TRIM13: variants seen among roughly 807,000 people sequenced by gnomAD.
TRIM13 encodes E3 ubiquitin-protein ligase TRIM13.
Under a neutral mutation model 27.1 loss-of-function variants are expected in TRIM13, and 15 were observed. That is an observed-to-expected ratio of 0.55 (90% CI 0.37 to 0.85). The LOEUF is 0.85. TRIM13 is among the 40% of genes least tolerant of loss of function. The pLI is 0.00. For missense variants in TRIM13, 402 were observed against 472.2 expected, an observed-to-expected ratio of 0.85 and a Z score of 1.38; for synonymous variants, 193 against 171.5, an observed-to-expected ratio of 1.13 and a Z score of -0.98.
At chr13:50,010,082 T>C in intron 1 of TRIM13, among the ~76,000 whole-genome samples, 1 of 145,368 alleles carries the variant, frequency 6.9e-6, no homozygotes. Context: ...AAGGTCTCTC[T>C]CTGTTGCCCA....
rs1484045589 is a variant in TRIM13, at chr13:50,015,718, A to C, written c.*2554A>C. ...CTCACCAGCTTTTATTACCCACTGA[A>C]TTTTCAGACTATCTTAGGCTTCAGA... On this transcript the variant is annotated 3_prime_UTR_variant, in exon 2 of 2. Coordinates refer to ENST00000378182, the MANE Select transcript of TRIM13 (RefSeq NM_213590.3). The C allele has an allele frequency of 1.9e-6, 3 of 1,613,926 alleles. No homozygotes were observed. The highest frequency in any genetic ancestry group is 2.5e-6 in the Non-Finnish European group (3 of 1,179,918).
Position 50,015,309 on chromosome 13 carries a change from A to C in TRIM13, c.*2145A>C. 1 of 491,980 alleles carries C rather than the reference A, an allele frequency of 2.0e-6. No individual in the cohort carries two copies. The allele number at this position is 491,980 out of a possible 1,614,324, so 30.5% of individuals were successfully genotyped here. On this transcript the variant is annotated 3_prime_UTR_variant, in exon 2 of 2. Transcript: ENST00000378182. Reference sequence around the variant, plus strand: ...ATACTGCAAGTTCCCAGGCAACTCGAATTTGCAAACACAGCCATGGATACA... The same window carrying C: ...ATACTGCAAGTTCCCAGGCAACTCGCATTTGCAAACACAGCCATGGATACA...
At position 50,010,687 on chromosome 13, in the gene TRIM13, T is replaced by C. The variant is rs184593941; in HGVS notation, c.-6-1248T>C. 6.4e-3 allele frequency among the ~76,000 whole-genome samples: 977 copies of C among 152,352 alleles called. 10 individuals are homozygous for C. Among genetic ancestry groups the C allele is most frequent in the South Asian group, 0.011 (51 of 4,830 alleles). ...TATCAAATGTTTTCCAAAATTCTAA[T>C]TTTTACATAAAACCCAGCCTTTTCA... On this transcript the variant is annotated intron_variant, in intron 1 of 1. Transcript: ENST00000378182.
chr13:50,002,103 C>G (rs1874110888), intron 1 of TRIM13, among the ~76,000 whole-genome samples: 1 of 152,008 alleles, frequency 6.6e-6, no homozygotes, highest in Admixed American at 6.6e-5. Context: ...AAAGATGAAA[C>G]CATAGGCTGG....
In TRIM13 at chr13:50,016,594, C is replaced by G. The variant is rs1876617470; in HGVS notation, c.*3430C>G. On this transcript the variant is annotated 3_prime_UTR_variant, in exon 2 of 2. Transcript: ENST00000378182. ...TGGCAAATTTGGTATCCTGTTACAG[C>G]CTTGGCTCTTAAACAACTCAAAATA... 7 of 167,736 alleles carry G rather than the reference C, an allele frequency of 4.2e-5. No homozygotes were observed. In the Admixed American group the frequency reaches 4.6e-4, roughly 11 times the overall value. 10.4% of individuals were successfully genotyped at this position (167,736 alleles called of 1,614,324 possible).
chr13:50,012,379 C>G lies in TRIM13; in HGVS notation c.439C>G (p.Gln147Glu). ...AAGGGATGCCTTTGAGTCCCTCTTC[C>G]AGAGCTTTGAGACCTGGCGTCGGGG... ...QERDAFESLF[Q>E]SFETWRRGDA... Residue 147 changes from glutamine to glutamate, a missense_variant, in exon 2 of 2, where the codon CAG (glutamine) becomes GAG (glutamate). Physicochemically the swap from Gln to Glu is conservative, Grantham distance 29. This residue lies in a region of TRIM13 where 202 missense variants were observed against 277.5 expected (regional missense o/e 0.73). Transcript: ENST00000378182. The G allele has an allele frequency of 6.2e-7, 1 of 1,614,132 alleles. No individual in the cohort carries two copies. Among genetic ancestry groups the G allele is most frequent in the Non-Finnish European group, 8.5e-7 (1 of 1,180,024 alleles).
At chr13:50,005,909 G>T (rs1312014369) in intron 1 of TRIM13, among the ~76,000 whole-genome samples, 1 of 151,600 alleles carries the variant, frequency 6.6e-6, no homozygotes, top group East Asian at 2.0e-4. Flanking sequence ...TAGAGACGGG[G>T]TTTCTCCATG....
At position 50,012,099 on chromosome 13, in the gene TRIM13, G is replaced by A. The variant is rs1875735835; in HGVS notation, c.159G>A (p.Lys53=). The change falls in exon 2 of 2, where the codon AAG becomes AAA. Residue 53 remains lysine (K), a synonymous_variant. Transcript: ENST00000378182. ...RNSLWRPAPF[K]CPTCRKETSA... ...CCTTGTGGAGACCAGCTCCATTCAA[G>A]TGTCCTACATGCCGTAAGGAAACTT... The A allele has an allele frequency of 6.2e-7, 1 of 1,614,128 alleles. No homozygotes were observed. Among genetic ancestry groups the A allele is most frequent in the Non-Finnish European group, 8.5e-7 (1 of 1,180,014 alleles).
intron 1 of TRIM13, among the ~76,000 whole-genome samples, chr13:50,008,850 T>C (rs2138394589): frequency 1.3e-5 from 2 of 149,602 alleles, no homozygotes; most frequent in East Asian, 2.0e-4. Flanking sequence ...ACCTCATCTC[T>C]ACAAAAAAAA....
intron 1 of TRIM13, among the ~76,000 whole-genome samples, chr13:50,002,152 G>A (rs1874115846): frequency 6.6e-6 from 1 of 152,132 alleles, no homozygotes; most frequent in African/African-American, 2.4e-5. Flanking sequence ...CACTTTGGGA[G>A]GCCAAGGCAG....
chr13:50,004,779 TAAAAA>T (rs562881816), intron 1 of TRIM13, among the ~76,000 whole-genome samples: 1 of 118,022 alleles, frequency 8.5e-6, no homozygotes, highest in African/African-American at 3.2e-5. Context: ...GACCCTGTCT[TAAAAA>T]AAAAAAAAGG....
chr13:50,015,545 A>G lies in TRIM13; in HGVS notation c.*2381A>G, dbSNP rs773512879. 9 of 1,613,940 alleles carry G rather than the reference A, an allele frequency of 5.6e-6. No individual in the cohort carries two copies. The highest frequency in any genetic ancestry group is 7.6e-6 in the Non-Finnish European group (9 of 1,179,976). On this transcript the variant is annotated 3_prime_UTR_variant, in exon 2 of 2. Coordinates refer to ENST00000378182, the MANE Select transcript of TRIM13 (RefSeq NM_213590.3). The stretch of plus-strand genomic sequence containing the variant: ...GAATGTGGGAGGGAAGATATTCACG[A>G]CAAGGTTTTCTACGATAAAGCAGTT...
At chr13:50,000,302 A>G (rs1276141569) in intron 1 of TRIM13, among the ~76,000 whole-genome samples, 1 of 152,198 alleles carries the variant, frequency 6.6e-6, no homozygotes, top group Non-Finnish European at 1.5e-5. Flanking sequence ...AACCCTTTCT[A>G]GAGAGAAACC....
At position 49,997,631 on chromosome 13, in the gene TRIM13, T is replaced by TG. The variant is rs1189059262; in HGVS notation, c.-138dup. On this transcript the variant is annotated 5_prime_UTR_variant, in exon 1 of 2. It removes the in-frame stop codon of an upstream open reading frame in the 5' UTR. Transcript: ENST00000378182. ...AAGATTGGGGTGCTGTGCAAATAAA[T>TG]GCGTTAATACTGTTCTTTTTCTTCT... 1 of 152,210 alleles carries TG rather than the reference T, an allele frequency of 6.6e-6. No homozygotes were observed. The highest frequency in any genetic ancestry group is 1.5e-5 in the Non-Finnish European group (1 of 68,046). The allele number at this position is 152,210 out of a possible 1,614,324, so 9.4% of individuals were successfully genotyped here.
intron 1 of TRIM13, among the ~76,000 whole-genome samples, chr13:50,009,263 CTT>C (rs980488294): frequency 6.6e-5 from 10 of 152,050 alleles, no homozygotes; most frequent in Admixed American, 6.5e-4. Flanking sequence ...CAGCTGGAGT[CTT>C]TTGTCTGCTT....
chr13:50,012,735 T>G lies in TRIM13; in HGVS notation c.795T>G (p.Thr265=). Residue 265 remains threonine (T), a synonymous_variant, in exon 2 of 2, where the codon ACT becomes ACG. Transcript: ENST00000378182. ...FREKIKVIKE[T]PLPPSNLPAS... is the part of the protein sequence containing the mutation. ...AGAAAATCAAAGTAATCAAGGAAAC[T>G]CCTTTACCTCCCTCTAATTTGCCTG... 1 of 1,614,078 alleles carries G rather than the reference T, an allele frequency of 6.2e-7. No individual in the cohort carries two copies. Among genetic ancestry groups the G allele is most frequent in the Non-Finnish European group, 8.5e-7 (1 of 1,180,000 alleles).
rs1876222612 is a variant in TRIM13, at chr13:50,015,083, AAAAAAAAAAAAATATATAT to A, written c.*1921_*1939del. On this transcript the variant is annotated 3_prime_UTR_variant, in exon 2 of 2. Coordinates refer to ENST00000378182, the MANE Select transcript of TRIM13 (RefSeq NM_213590.3). The stretch of plus-strand genomic sequence containing the variant: ...TTTTCCCCTCCCAGTAATAAAAAAA[AAAAAAAAAAAAATATATAT>A]ATATATATATATATATATATATATA... 2 of 50,240 alleles carry A rather than the reference AAAAAAAAAAAAATATATAT, an allele frequency of 4.0e-5. No individual in the cohort carries two copies. The highest frequency in any genetic ancestry group is 8.8e-4 in the South Asian group (1 of 1,138). The allele number at this position is 50,240 out of a possible 1,614,324, so 3.1% of individuals were successfully genotyped here. A position where few individuals can be genotyped will look rare whatever the true frequency, so the allele number is the denominator to read the frequency against.
intron 1 of TRIM13, among the ~76,000 whole-genome samples, chr13:50,003,870 T>G (rs1489501458): frequency 6.6e-6 from 1 of 152,222 alleles, no homozygotes; most frequent in Non-Finnish European, 1.5e-5. Flanking sequence ...AACATCAATA[T>G]GGCAGGAGAA....
chr13:50,003,612 G>C (rs796267876), intron 1 of TRIM13, among the ~76,000 whole-genome samples: 106 of 152,278 alleles, frequency 7.0e-4, no homozygotes, highest in African/African-American at 2.4e-3. Flanking sequence ...TACTTTGTAA[G>C]TATTGGCTTT....
Sources: gnomAD v4.1 joint callset for allele counts (sites outside exome capture counted in the v4.1 genomes callset) on GRCh38, gnomAD v4.1.1 for gene constraint, gnomAD v4.1.1 regional missense constraint, MANE v1.5 for transcripts, NCBI Gene and HGNC (gene_info 2026-07-23, HGNC 2026-07-21) for gene names.